SH3D19: variants seen among roughly 807,000 people sequenced by gnomAD.
SH3D19 encodes SH3 domain containing 19.
In SH3D19, 58 loss-of-function variants were observed where a neutral mutation model predicts 112.1. The ratio of observed to expected loss-of-function variants is 0.52; its 90% confidence interval spans 0.42 to 0.64. The LOEUF (loss-of-function observed/expected upper bound fraction) is 0.64. Ranked by LOEUF, SH3D19 falls within the 30% of genes least tolerant of loss-of-function variation. The pLI, the probability that SH3D19 is intolerant of heterozygous loss-of-function variation, is 0.00. For missense variants in SH3D19, 1,090 were observed against 1,263.4 expected, an observed-to-expected ratio of 0.86 and a Z score of 2.08; for synonymous variants, 391 against 448.5, an observed-to-expected ratio of 0.87 and a Z score of 1.62.
intron 3 of SH3D19, among the ~76,000 whole-genome samples, chr4:151,184,592 TCTCTGCTAGGGCC>T (rs1229639177): frequency 1.5e-5 from 2 of 129,578 alleles, no homozygotes; most frequent in Non-Finnish European, 3.7e-5. Flanking sequence ...CTCCTTCCTC[TCTCTGCTAGGGCC>T]CTGTTTCACC....
At chr4:151,138,734 A>ACACAC (rs1561212546) in intron 13 of SH3D19, among the ~76,000 whole-genome samples, 1 of 149,722 alleles carries the variant, frequency 6.7e-6, no homozygotes, top group Non-Finnish European at 1.5e-5. Context: ...ACACACACAC[A>ACACAC]AATTACTTTG....
At chr4:151,135,711 G>A (rs1751696081) in intron 14 of SH3D19, among the ~76,000 whole-genome samples, 1 of 152,010 alleles carries the variant, frequency 6.6e-6, no homozygotes, top group South Asian at 2.1e-4. Context: ...TTATAGGTGT[G>A]AGCTGCCGCA....
At chr4:151,154,242 C>T (rs1002429476) in intron 9 of SH3D19, among the ~76,000 whole-genome samples, 10 of 151,964 alleles carry the variant, frequency 6.6e-5, no homozygotes, top group African/African-American at 2.2e-4. Context: ...AAGCGATTCT[C>T]CTGCCTCAGC....
intron 1 of SH3D19, among the ~76,000 whole-genome samples, chr4:151,238,417 CTGT>C (rs1261888417): frequency 6.6e-5 from 10 of 152,122 alleles, no homozygotes; most frequent in African/African-American, 2.4e-4. Context: ...TGGTTTTCAG[CTGT>C]TAAGGGTAAA....
chr4:151,277,302 A>G, intron 1 of SH3D19: 5 of 1,154,026 alleles, frequency 4.3e-6, no homozygotes, highest in Non-Finnish European at 5.8e-6. Flanking sequence ...ACAATGTGAC[A>G]CTTCACCCAT....
chr4:151,324,801 C>A (rs1020344867), intron 1 of SH3D19, among the ~76,000 whole-genome samples: 2 of 151,850 alleles, frequency 1.3e-5, no homozygotes, highest in Non-Finnish European at 2.9e-5. Context: ...GTCACAGGTC[C>A]GAAGTGCAAG....
At chr4:151,272,763 CTTTTTT>C (rs548803369) in intron 1 of SH3D19, among the ~76,000 whole-genome samples, 1 of 142,738 alleles carries the variant, frequency 7.0e-6, no homozygotes. Context: ...TTTCACTTTT[CTTTTTT>C]TTTTTTTAAC....
intron 17 of SH3D19, among the ~76,000 whole-genome samples, chr4:151,130,737 C>T (rs1373318906): frequency 2.6e-5 from 4 of 151,974 alleles, no homozygotes; most frequent in African/African-American, 7.3e-5. Context: ...GTCAGGAGTT[C>T]AAGACCAGCC....
chr4:151,149,631 G>A (rs762152266), intron 9 of SH3D19, 70 bp from the exon 10 acceptor site: 10 of 1,426,574 alleles, frequency 7.0e-6, no homozygotes, highest in East Asian at 2.3e-5. Context: ...AGAAATTCTA[G>A]GCAACCTTTT....
chr4:151,173,202 C>T (rs1476259488), intron 7 of SH3D19, among the ~76,000 whole-genome samples: 1 of 152,234 alleles, frequency 6.6e-6, no homozygotes, highest in Non-Finnish European at 1.5e-5. Flanking sequence ...ATTTCTTTAG[C>T]TTGCTGCTGT....
At chr4:151,213,559 T>G (rs1320323363) in intron 2 of SH3D19, among the ~76,000 whole-genome samples, 1 of 152,020 alleles carries the variant, frequency 6.6e-6, no homozygotes, top group Non-Finnish European at 1.5e-5. Flanking sequence ...GTGGGAAAAC[T>G]GCTTGAGCCT....
chr4:151,178,041 T>C (rs1014121104), intron 4 of SH3D19, among the ~76,000 whole-genome samples: 6 of 152,084 alleles, frequency 3.9e-5, no homozygotes, highest in Admixed American at 1.3e-4. Context: ...GCTTCCTGAG[T>C]AGCTGGGACT....
intron 1 of SH3D19, among the ~76,000 whole-genome samples, chr4:151,246,413 T>C (rs1770949675): frequency 6.6e-6 from 1 of 152,196 alleles, no homozygotes; most frequent in African/African-American, 2.4e-5. Context: ...CTGGTACAAA[T>C]AGTGCAGGAT....
At chr4:151,197,280 C>T (rs1763615176) in intron 2 of SH3D19, among the ~76,000 whole-genome samples, 1 of 152,168 alleles carries the variant, frequency 6.6e-6, no homozygotes, top group Admixed American at 6.6e-5. Flanking sequence ...TGCTGGGCAC[C>T]TTAGGGTAAA....
intron 10 of SH3D19, among the ~76,000 whole-genome samples, chr4:151,148,574 T>C (rs1382023392): frequency 6.6e-6 from 1 of 152,166 alleles, no homozygotes; most frequent in African/African-American, 2.4e-5. Flanking sequence ...TAAGATACGA[T>C]GTATGTGTGC....
intron 2 of SH3D19, among the ~76,000 whole-genome samples, chr4:151,214,116 T>G (rs1766478706): frequency 6.6e-6 from 1 of 150,972 alleles, no homozygotes; most frequent in Non-Finnish European, 1.5e-5. Context: ...AAGCACATCT[T>G]GCACCGCCCT....
In SH3D19 at chr4:151,132,399, A is replaced by G. The variant is rs777624457; in HGVS notation, c.2690-16T>C. 1 of 1,611,570 alleles carries G rather than the reference A, an allele frequency of 6.2e-7. No homozygotes were observed. The highest frequency in any genetic ancestry group is 8.5e-7 in the Non-Finnish European group (1 of 1,178,350). On this transcript the variant is annotated splice_polypyrimidine_tract_variant and intron_variant, in intron 16 of 19. Transcript: ENST00000604030. ...ACCTTTGTGCCTACATTAAAAAAAC[A>G]AACAAACACAAGAAGTCAGAACATT...
At chr4:151,296,653 T>C (rs1580437679) in intron 1 of SH3D19, among the ~76,000 whole-genome samples, 1 of 152,232 alleles carries the variant, frequency 6.6e-6, no homozygotes, top group Non-Finnish European at 1.5e-5. Context: ...TAAAAATGAA[T>C]ATAAATTTGC....
At chr4:151,319,898 T>C (rs1730370482) in intron 1 of SH3D19, among the ~76,000 whole-genome samples, 1 of 152,212 alleles carries the variant, frequency 6.6e-6, no homozygotes, top group South Asian at 2.1e-4. Flanking sequence ...GAGCAGTCAG[T>C]GTGATCACCT....
Sources: gnomAD v4.1 joint callset for allele counts (sites outside exome capture counted in the v4.1 genomes callset) on GRCh38, gnomAD v4.1.1 for gene constraint, MANE v1.5 for transcripts, NCBI Gene and HGNC (gene_info 2026-07-23, HGNC 2026-07-21) for gene names.